ASAP1: variants seen among roughly 807,000 people sequenced by gnomAD.
The protein encoded by ASAP1 is arf-GAP with SH3 domain, ANK repeat and PH domain-containing protein 1.
Under a neutral mutation model 145.2 loss-of-function variants are expected in ASAP1, and 43 were observed. That is an observed-to-expected ratio of 0.30 (90% confidence interval 0.23 to 0.38). The LOEUF (loss-of-function observed/expected upper bound fraction) is 0.38. ASAP1 is among the 10% of genes least tolerant of loss of function. The pLI, the probability that ASAP1 is intolerant of heterozygous loss-of-function variation, is 1.00. For synonymous variants in ASAP1, 546 were observed against 515.5 expected (o/e 1.06, Z -0.80); for missense variants, 1,018 against 1,355.3 (o/e 0.75, Z 3.91).
At chr8:130,100,898 A>C (rs1592800249) in intron 24 of ASAP1, among the ~76,000 whole-genome samples, 1 of 152,188 alleles carries the variant, frequency 6.6e-6, no homozygotes, top group East Asian at 1.9e-4. Flanking sequence ...CTACACATAC[A>C]ATTTTTGCCC....
chr8:130,338,265 G>C (rs886916320), intron 3 of ASAP1, among the ~76,000 whole-genome samples: 2 of 152,186 alleles, frequency 1.3e-5, no homozygotes, highest in African/African-American at 4.8e-5. Flanking sequence ...GCCCAAAACT[G>C]CACAGTTAAG....
chr8:130,069,031 GC>G (rs542886055), intron 27 of ASAP1, among the ~76,000 whole-genome samples: 52 of 152,226 alleles, frequency 3.4e-4, no homozygotes, highest in Non-Finnish European at 6.3e-4. Flanking sequence ...ACAGGGAAAG[GC>G]AAAAGTGAGA....
chr8:130,434,879 G>T (rs549214032), intron 1 of ASAP1, among the ~76,000 whole-genome samples: 2 of 152,054 alleles, frequency 1.3e-5, no homozygotes, highest in African/African-American at 4.8e-5. Flanking sequence ...ACCATACACC[G>T]AACAATAGCC....
rs1473208635 is a variant in ASAP1, at chr8:130,152,728, A to C, written c.1080+8T>G. ...CATGAGGCAGGGTAAATTAAGAAAC[A>C]TACTTACTGTGGCATGTGAGATGGT... On this transcript the variant is annotated splice_region_variant and intron_variant, in intron 13 of 29. Transcript: ENST00000518721. The C allele has an allele frequency of 6.2e-7, 1 of 1,603,810 alleles. No homozygotes were observed. Among genetic ancestry groups the C allele is most frequent in the Non-Finnish European group, 8.5e-7 (1 of 1,172,436 alleles).
chr8:130,275,134 G>A (rs72724423), intron 3 of ASAP1, among the ~76,000 whole-genome samples: 5,285 of 152,284 alleles, frequency 0.035, 125 homozygotes, highest in Middle Eastern at 0.065. Context: ...AATGAAATGA[G>A]AGCATATACA....
At chr8:130,118,348 C>G (rs10956511) in intron 19 of ASAP1, 102 bp from the exon 20 acceptor site, 66 of 1,301,594 alleles carry the variant, frequency 5.1e-5, no homozygotes, top group Non-Finnish European at 6.9e-5. Context: ...GAGCACACCT[C>G]TTCACTCTCA....
chr8:130,354,182 G>A (rs1349364771), intron 3 of ASAP1, among the ~76,000 whole-genome samples: 1 of 152,092 alleles, frequency 6.6e-6, no homozygotes, highest in Admixed American at 6.5e-5. Context: ...GAGCCACCGC[G>A]CCCAGCCGGG....
chr8:130,204,757 T>C (rs1004286131), intron 5 of ASAP1, among the ~76,000 whole-genome samples: 5 of 152,210 alleles, frequency 3.3e-5, no homozygotes, highest in African/African-American at 1.2e-4. Flanking sequence ...AACAGATCCC[T>C]TCAGTAGACA....
chr8:130,120,318 G>A (rs2097563711), intron 18 of ASAP1, among the ~76,000 whole-genome samples: 1 of 152,214 alleles, frequency 6.6e-6, no homozygotes, highest in South Asian at 2.1e-4. Flanking sequence ...TTGATGGATG[G>A]AGCAGCAGAC....
chr8:130,108,036 T>G (rs1382442387), intron 24 of ASAP1, among the ~76,000 whole-genome samples: 2 of 152,216 alleles, frequency 1.3e-5, no homozygotes, highest in African/African-American at 4.8e-5. Context: ...GTAGTTAGTC[T>G]CTTCACCTAC....
At chr8:130,424,903 G>T (rs539918351) in intron 1 of ASAP1, among the ~76,000 whole-genome samples, 1 of 152,008 alleles carries the variant, frequency 6.6e-6, no homozygotes, top group Non-Finnish European at 1.5e-5. Context: ...TGAGGCAGGA[G>T]AATCGCTTGA....
chr8:130,416,696 A>G (rs2138675457), intron 1 of ASAP1, among the ~76,000 whole-genome samples: 1 of 152,340 alleles, frequency 6.6e-6, no homozygotes, highest in African/African-American at 2.4e-5. Context: ...TTAGTGCCCC[A>G]AAAGGGGCAG....
intron 11 of ASAP1, among the ~76,000 whole-genome samples, chr8:130,160,466 C>T (rs1586476928): frequency 1.3e-5 from 2 of 152,358 alleles, no homozygotes; most frequent in East Asian, 1.9e-4. Flanking sequence ...TTATGTCTCT[C>T]ATTTTGTAAT....
intron 1 of ASAP1, among the ~76,000 whole-genome samples, chr8:130,437,886 G>C (rs1830369550): frequency 6.6e-6 from 1 of 152,166 alleles, no homozygotes; most frequent in African/African-American, 2.4e-5. Flanking sequence ...CTCCAACCAG[G>C]ATCCCGCCAC....
chr8:130,070,806 CCTT>C (rs1405681973), intron 27 of ASAP1, among the ~76,000 whole-genome samples: 5 of 110,600 alleles, frequency 4.5e-5, no homozygotes, highest in African/African-American at 1.8e-4. Flanking sequence ...AGGAGATACT[CCTT>C]GAGGGGAGAG....
rs1464227799 is a variant in ASAP1 at position 130,359,967 on chromosome 8, CCT to C, written c.60-1826_60-1825del. The stretch of plus-strand genomic sequence containing the variant: ...TCACATCCGTTCTCTGGTTCTTACC[CCT>C]GACTACAAGGGAGTGCCCCAAAGCA... On this transcript the variant is annotated intron_variant, in intron 2 of 29. Coordinates refer to ENST00000518721, the MANE Select transcript of ASAP1 (RefSeq NM_018482.4). Among the ~76,000 whole-genome samples, 3 of 152,222 alleles carry C rather than the reference CCT, an allele frequency of 2.0e-5. No individual in the cohort carries two copies. In the East Asian group the frequency reaches 5.8e-4, roughly 29 times the overall value.
intron 3 of ASAP1, among the ~76,000 whole-genome samples, chr8:130,305,994 C>T (rs187171139): frequency 6.6e-5 from 10 of 152,320 alleles, no homozygotes; most frequent in African/African-American, 2.2e-4. Flanking sequence ...ACTTACAGTT[C>T]CAACATCATC....
At chr8:130,179,461 G>T (rs143713549) in intron 8 of ASAP1, 112 bp from the exon 9 acceptor site, 2 of 664,936 alleles carry the variant, frequency 3.0e-6, no homozygotes, top group African/African-American at 3.6e-5. Context: ...CCAAGCCTTG[G>T]TGTCCTTTAG....
At chr8:130,273,391 G>A (rs2791338) in intron 3 of ASAP1, among the ~76,000 whole-genome samples, 45,258 of 151,936 alleles carry the variant, frequency 0.3, 6,835 homozygotes, top group Admixed American at 0.31. Context: ...TCCACTCAAG[G>A]TCTGCAGAAG....
Sources: allele counts gnomAD v4.1 joint callset (sites outside exome capture counted in the v4.1 genomes callset), GRCh38; gene constraint gnomAD v4.1.1; transcripts MANE v1.5; gene names NCBI Gene and HGNC (gene_info 2026-07-23, HGNC 2026-07-21).